The following ASZ1 variants were observed in gnomAD, a reference collection of about 807,000 sequenced individuals.
The protein encoded by ASZ1 is ankyrin repeat, SAM and basic leucine zipper domain-containing protein 1.
Under a neutral mutation model 61.8 loss-of-function variants are expected in ASZ1, and 67 were observed. That is an observed-to-expected ratio of 1.08 (90% CI 0.89 to 1.33). ASZ1 has a LOEUF of 1.33. Among genes scored for constraint, ASZ1 ranks in the 40% most tolerant of loss-of-function variants. The pLI, the probability that ASZ1 is intolerant of heterozygous loss-of-function variation, is 0.00. For missense variants in ASZ1, 577 were observed against 554.5 expected, an observed-to-expected ratio of 1.04 and a Z score of -0.41; for synonymous variants, 193 against 192.7, an observed-to-expected ratio of 1.00 and a Z score of -0.01.
intron 4 of ASZ1, among the ~76,000 whole-genome samples, chr7:117,403,405 C>G (rs1019709667): frequency 6.6e-6 from 1 of 152,070 alleles, no homozygotes; most frequent in African/African-American, 2.4e-5. Flanking sequence ...GCCCCACTCA[C>G]GAGTGGTATT....
Position 117,390,212 on chromosome 7 carries a change from C to A in ASZ1, c.441-4403G>T, listed in dbSNP as rs374906783. ...TTTGAGACAGGGTTGTACTGTCACA[C>A]AGGCTGTAGTGCAGTGGTACAATCA... is the stretch of plus-strand genomic sequence containing the variant. On this transcript the variant is annotated intron_variant, in intron 4 of 12. Transcript: ENST00000284629. Among the ~76,000 whole-genome samples, 27 of 151,628 alleles carry A rather than the reference C, an allele frequency of 1.8e-4. No homozygotes were observed. In the South Asian group the frequency reaches 5.6e-3, roughly 32 times the overall value.
chr7:117,392,881 C>A (rs926819795), intron 4 of ASZ1, among the ~76,000 whole-genome samples: 1 of 145,974 alleles, frequency 6.9e-6, no homozygotes, highest in African/African-American at 2.6e-5. Flanking sequence ...GAGTCTCACT[C>A]TGTTGCCCAG....
chr7:117,388,242 A>G (rs772517967), intron 4 of ASZ1, among the ~76,000 whole-genome samples: 2 of 152,200 alleles, frequency 1.3e-5, no homozygotes, highest in African/African-American at 2.4e-5. Flanking sequence ...TAATGAAAAC[A>G]ACATCAATTC....
In ASZ1 at chr7:117,367,792, T is replaced by C. The variant is rs566095967; in HGVS notation, c.1162-327A>G. On this transcript the variant is annotated intron_variant, in intron 11 of 12. Coordinates refer to ENST00000284629, the MANE Select transcript of ASZ1 (RefSeq NM_130768.3). ...TTAATTGATGTTATATAAAAATCAC[T>C]GGAAAACAAGTGCATTAAAAAATTT... The C allele has an allele frequency of 3.2e-5, 31 of 981,404 alleles. No individual in the cohort carries two copies. In the African/African-American group the frequency reaches 4.3e-4, roughly 14 times the overall value. The allele number at this position is 981,404 out of a possible 1,614,324, so 60.8% of individuals were successfully genotyped here. A position where few individuals can be genotyped will look rare whatever the true frequency, so the allele number is the denominator to read the frequency against.
chr7:117,427,193 AG>A (rs1797238805), intron 1 of ASZ1, among the ~76,000 whole-genome samples, 162 bp downstream of exon 1: 1 of 152,174 alleles, frequency 6.6e-6, no homozygotes, highest in African/African-American at 2.4e-5. Flanking sequence ...AGGGAACACG[AG>A]GAAATTTGTG....
chr7:117,409,115 T>A (rs1443128837), intron 4 of ASZ1, among the ~76,000 whole-genome samples: 1 of 151,920 alleles, frequency 6.6e-6, no homozygotes, highest in Non-Finnish European at 1.5e-5. Context: ...ATTACAAGAC[T>A]GTAGTTGCTT....
intron 4 of ASZ1, among the ~76,000 whole-genome samples, chr7:117,396,989 T>C (rs1796586891): frequency 6.6e-6 from 1 of 151,714 alleles, no homozygotes; most frequent in South Asian, 2.1e-4. Flanking sequence ...AAAACCAAAC[T>C]AGAAATAGCA....
chr7:117,422,211 C>A (rs1797110506), intron 3 of ASZ1, 26 bp downstream of exon 3: 1 of 1,603,770 alleles, frequency 6.2e-7, no homozygotes, highest in South Asian at 1.1e-5. Context: ...TAAGCATAAT[C>A]ATTTAAGTTA....
At chr7:117,425,603 T>C (rs1797187890) in intron 2 of ASZ1, among the ~76,000 whole-genome samples, 1 of 151,584 alleles carries the variant, frequency 6.6e-6, no homozygotes, top group Non-Finnish European at 1.5e-5. Context: ...AATTTACATT[T>C]CTATGTGAAG....
At chr7:117,367,734 T>C in intron 11 of ASZ1, 1 of 953,698 alleles carries the variant, frequency 1.0e-6, no homozygotes, top group African/African-American at 1.7e-5. Context: ...AACAAATCAG[T>C]TCATGAAGGT....
chr7:117,382,432 C>T (rs766937453), intron 7 of ASZ1, among the ~76,000 whole-genome samples: 1 of 152,004 alleles, frequency 6.6e-6, no homozygotes, highest in Non-Finnish European at 1.5e-5. Flanking sequence ...GTAGCATACA[C>T]CTGCAGTCCC....
intron 10 of ASZ1, among the ~76,000 whole-genome samples, chr7:117,374,996 G>T (rs1011053830): frequency 6.6e-6 from 1 of 152,046 alleles, no homozygotes; most frequent in African/African-American, 2.4e-5. Flanking sequence ...GAGGTAGAAG[G>T]TGGGGAAAAA....
At chr7:117,381,283 T>C (rs943138436) in intron 8 of ASZ1, among the ~76,000 whole-genome samples, 74 of 152,030 alleles carry the variant, frequency 4.9e-4, no homozygotes, top group Admixed American at 2.6e-4. Flanking sequence ...ATATAGCTAG[T>C]TTTCCAGATT....
chr7:117,386,689 A>G (rs1796362117), intron 4 of ASZ1, among the ~76,000 whole-genome samples: 1 of 152,196 alleles, frequency 6.6e-6, no homozygotes, highest in South Asian at 2.1e-4. Flanking sequence ...TTACCAAGAA[A>G]GTTTTTATTG....
chr7:117,367,854 A>T, intron 11 of ASZ1: 7 of 986,672 alleles, frequency 7.1e-6, no homozygotes. Context: ...ATCACATGAA[A>T]TAAGCTGCTT....
chr7:117,404,496 T>C (rs1462368779), intron 4 of ASZ1, among the ~76,000 whole-genome samples: 3 of 151,786 alleles, frequency 2.0e-5, no homozygotes, highest in African/African-American at 7.2e-5. Context: ...TTCCCTTAAG[T>C]CGAGGGTCAC....
chr7:117,366,314 A>G (rs1795935252), intron 12 of ASZ1, among the ~76,000 whole-genome samples: 1 of 152,180 alleles, frequency 6.6e-6, no homozygotes. Flanking sequence ...AATAGCTAGA[A>G]TGACAATTTA....
intron 4 of ASZ1, among the ~76,000 whole-genome samples, chr7:117,412,445 C>T (rs1023169838): frequency 2.0e-5 from 3 of 151,870 alleles, no homozygotes; most frequent in African/African-American, 4.8e-5. Flanking sequence ...AAACAAGTTA[C>T]TATTGTAAGC....
intron 12 of ASZ1, among the ~76,000 whole-genome samples, chr7:117,366,737 CAG>C (rs1386078469): frequency 2.9e-4 from 44 of 152,088 alleles, no homozygotes; most frequent in Non-Finnish European, 5.1e-4. Flanking sequence ...AAAAATATTA[CAG>C]AGAGTCTGGA....
Sources: gnomAD v4.1 joint callset for allele counts (sites outside exome capture counted in the v4.1 genomes callset) on GRCh38, gnomAD v4.1.1 for gene constraint, MANE v1.5 for transcripts, NCBI Gene and HGNC (gene_info 2026-07-23, HGNC 2026-07-21) for gene names.